ST6GALNAC3: variants seen among roughly 807,000 people sequenced by gnomAD.
The protein encoded by ST6GALNAC3 is ST6 N-acetylgalactosaminide alpha-2,6-sialyltransferase 3.
Under a neutral mutation model 32.7 loss-of-function variants are expected in ST6GALNAC3, and 25 were observed. The observed-to-expected ratio is 0.76, with a 90% confidence interval of 0.56 to 1.07. The LOEUF (loss-of-function observed/expected upper bound fraction) is 1.07, where lower values mean the gene tolerates loss of function less well. Ranked by LOEUF, ST6GALNAC3 falls within the 50% of genes least tolerant of loss-of-function variation. The pLI is 0.00. For synonymous variants in ST6GALNAC3, 129 were observed against 133.1 expected, an observed-to-expected ratio of 0.97 and a Z score of 0.21; for missense variants, 355 against 382.4, an observed-to-expected ratio of 0.93 and a Z score of 0.60.
chr1:76,427,933 C>G (rs1044601556), intron 3 of ST6GALNAC3, among the ~76,000 whole-genome samples: 1 of 152,110 alleles, frequency 6.6e-6, no homozygotes, highest in Admixed American at 6.6e-5. Flanking sequence ...TTCTATAGTT[C>G]TGGACATCTC....
rs1649328419 is a variant in ST6GALNAC3 at position 76,632,180 on chromosome 1, T to A, written c.*3374T>A. 6.6e-6 allele frequency: 1 copy of A among 152,110 alleles called. No individual in the cohort carries two copies. The highest frequency in any genetic ancestry group is 1.5e-5 in the Non-Finnish European group (1 of 68,010). 9.4% of individuals were successfully genotyped at this position (152,110 alleles called of 1,614,324 possible). A position where few individuals can be genotyped will look rare whatever the true frequency, so the allele number is the denominator to read the frequency against. ...GCCCTATTTTAGACTTCATCTGAAA[T>A]TCGTTGGGTTACATTTTGAATCCTG... On this transcript the variant is annotated 3_prime_UTR_variant, in exon 5 of 5. Coordinates refer to ENST00000328299, the MANE Select transcript of ST6GALNAC3 (RefSeq NM_152996.4).
At chr1:76,229,628 T>C (rs1656255400) in intron 1 of ST6GALNAC3, among the ~76,000 whole-genome samples, 2 of 152,192 alleles carry the variant, frequency 1.3e-5, no homozygotes, top group Non-Finnish European at 2.9e-5. Flanking sequence ...CAAGAAATGA[T>C]ATTGTCCAGG....
intron 3 of ST6GALNAC3, among the ~76,000 whole-genome samples, chr1:76,549,433 T>G (rs1233505737): frequency 6.6e-6 from 1 of 151,404 alleles, no homozygotes; most frequent in Admixed American, 6.6e-5. Flanking sequence ...AGCTGTTATA[T>G]AAATATTATA....
intron 1 of ST6GALNAC3, among the ~76,000 whole-genome samples, chr1:76,237,389 C>G (rs961735095): frequency 3.9e-5 from 6 of 152,172 alleles, no homozygotes; most frequent in African/African-American, 1.2e-4. Context: ...CCGCCTTGGC[C>G]TCAAAATGCT....
chr1:76,492,397 G>A (rs1371948221), intron 3 of ST6GALNAC3, among the ~76,000 whole-genome samples: 1 of 151,984 alleles, frequency 6.6e-6, no homozygotes, highest in Non-Finnish European at 1.5e-5. Flanking sequence ...AAAAAAGACT[G>A]AAAAATATAG....
chr1:76,109,895 A>G lies in ST6GALNAC3; in HGVS notation c.18+35011A>G, dbSNP rs139432820. On this transcript the variant is annotated intron_variant, in intron 1 of 4. Transcript: ENST00000328299. ...GGTTTGCCCTTCTATTGTTTCTTCT[A>G]CTAACACATTATGAAGGTAGATTTC... Among the ~76,000 whole-genome samples the G allele has an allele frequency of 1.3e-3, 203 of 152,342 alleles. 2 individuals carry two copies. The highest frequency in any genetic ancestry group is 4.6e-3 in the African/African-American group (190 of 41,580).
At chr1:76,220,417 T>G (rs913516574) in intron 1 of ST6GALNAC3, among the ~76,000 whole-genome samples, 1 of 152,230 alleles carries the variant, frequency 6.6e-6, no homozygotes, top group African/African-American at 2.4e-5. Flanking sequence ...GGTTCATTTT[T>G]AAAATATTTC....
intron 3 of ST6GALNAC3, among the ~76,000 whole-genome samples, chr1:76,482,220 A>T (rs577674074): frequency 1.3e-4 from 20 of 152,088 alleles, no homozygotes; most frequent in African/African-American, 4.8e-4. Flanking sequence ...AGCCCAAGAG[A>T]TCTTTCATTT....
chr1:76,530,113 A>T (rs1663163617), intron 3 of ST6GALNAC3, among the ~76,000 whole-genome samples: 1 of 152,206 alleles, frequency 6.6e-6, no homozygotes, highest in Non-Finnish European at 1.5e-5. Context: ...ATTATTCAAC[A>T]CTTGCTTGTG....
At chr1:76,575,644 C>T (rs918371236) in intron 3 of ST6GALNAC3, among the ~76,000 whole-genome samples, 2 of 151,900 alleles carry the variant, frequency 1.3e-5, no homozygotes, top group African/African-American at 2.4e-5. Context: ...GGGTAAGGCA[C>T]CCAATTTTAC....
intron 3 of ST6GALNAC3, among the ~76,000 whole-genome samples, chr1:76,449,556 C>G (rs1657237698): frequency 6.6e-6 from 1 of 152,220 alleles, no homozygotes; most frequent in South Asian, 2.1e-4. Context: ...TCATGCTCCA[C>G]ATCCTCACCA....
intron 3 of ST6GALNAC3, among the ~76,000 whole-genome samples, chr1:76,455,295 G>C (rs942334966): frequency 1.3e-5 from 2 of 151,168 alleles, no homozygotes; most frequent in East Asian, 1.9e-4. Context: ...CTTTCATTTT[G>C]GAAGTTTCCC....
chr1:76,557,329 C>A (rs908903026), intron 3 of ST6GALNAC3, among the ~76,000 whole-genome samples: 4 of 151,964 alleles, frequency 2.6e-5, no homozygotes, highest in African/African-American at 9.7e-5. Flanking sequence ...ACTTTTTTAT[C>A]CTTTCATAGG....
At chr1:76,198,962 T>C (rs1354139936) in intron 1 of ST6GALNAC3, among the ~76,000 whole-genome samples, 1 of 151,990 alleles carries the variant, frequency 6.6e-6, no homozygotes, top group Non-Finnish European at 1.5e-5. Context: ...AGGTAGATCA[T>C]GGCAAGAGGT....
Position 76,634,253 on chromosome 1 carries a change from G to A in ST6GALNAC3, c.*5447G>A, listed in dbSNP as rs1649435113. On this transcript the variant is annotated 3_prime_UTR_variant, in exon 5 of 5. Transcript: ENST00000328299. Reference sequence around the variant, plus strand: ...CCAAGTTCACATATTTGCCTATGAAGTGAGAGCTATTTCTAAGAAACTTCA... The same window carrying A: ...CCAAGTTCACATATTTGCCTATGAAATGAGAGCTATTTCTAAGAAACTTCA... 1.3e-6 allele frequency: 1 copy of A among 770,774 alleles called. No homozygotes were observed. Among genetic ancestry groups the A allele is most frequent in the Non-Finnish European group, 1.6e-6 (1 of 634,020 alleles). The allele number at this position is 770,774 out of a possible 1,614,324, so 47.7% of individuals were successfully genotyped here. A position where few individuals can be genotyped will look rare whatever the true frequency, so the allele number is the denominator to read the frequency against.
At position 76,359,154 on chromosome 1, in the gene ST6GALNAC3, T is replaced by C. The variant is rs114759401; in HGVS notation, c.213+45155T>C. ...GTAAACCATGTTAAGACATTTTGGA[T>C]ATTATCCTGAAGACAGTGGGGAACC... On this transcript the variant is annotated intron_variant, in intron 2 of 4. Coordinates refer to ENST00000328299, the MANE Select transcript of ST6GALNAC3 (RefSeq NM_152996.4). Among the ~76,000 whole-genome samples the C allele has an allele frequency of 8.6e-3, 1,309 of 152,302 alleles. 10 individuals carry two copies. The highest frequency in any genetic ancestry group is 0.03 in the African/African-American group (1,263 of 41,546).
intron 2 of ST6GALNAC3, among the ~76,000 whole-genome samples, chr1:76,326,276 G>C (rs1231867831): frequency 6.6e-6 from 1 of 152,100 alleles, no homozygotes; most frequent in Non-Finnish European, 1.5e-5. Flanking sequence ...GCTTCTGGTG[G>C]CCTCACATCT....
intron 3 of ST6GALNAC3, among the ~76,000 whole-genome samples, chr1:76,556,738 C>T (rs1664950338): frequency 6.6e-6 from 1 of 151,990 alleles, no homozygotes; most frequent in African/African-American, 2.4e-5. Context: ...TCTTATTGAG[C>T]TTTAAAAATT....
chr1:76,497,167 G>T (rs1294857614), intron 3 of ST6GALNAC3, among the ~76,000 whole-genome samples: 1 of 152,116 alleles, frequency 6.6e-6, no homozygotes, highest in Non-Finnish European at 1.5e-5. Context: ...TTTGGAGTGG[G>T]AGGAAATGTA....
Sources: gnomAD v4.1 joint callset for allele counts (sites outside exome capture counted in the v4.1 genomes callset) on GRCh38, gnomAD v4.1.1 for gene constraint, MANE v1.5 for transcripts, NCBI Gene and HGNC (gene_info 2026-07-23, HGNC 2026-07-21) for gene names.